Variants in SPATA13 observed in about 807,000 individuals in gnomAD.
SPATA13 encodes the protein spermatogenesis-associated protein 13.
A neutral mutation model predicts 104.0 loss-of-function variants in SPATA13; 50 were observed. The observed-to-expected ratio is 0.48, with a 90% CI of 0.38 to 0.61. The LOEUF is 0.61. Among genes scored for constraint, SPATA13 ranks in the 20% least tolerant of loss-of-function variants. The pLI is 0.00. For missense variants in SPATA13, 1,524 were observed against 1,690.6 expected (o/e 0.90, Z 1.73); for synonymous variants, 606 against 667.5 (o/e 0.91, Z 1.42).
intron 1 of SPATA13, among the ~76,000 whole-genome samples, chr13:24,209,861 G>A (rs1269751022): frequency 6.6e-6 from 1 of 152,154 alleles, no homozygotes; most frequent in African/African-American, 2.4e-5. Flanking sequence ...CACAGGGGCT[G>A]TACTAATTCA....
At chr13:24,180,183 G>A (rs947355903) in intron 1 of SPATA13, among the ~76,000 whole-genome samples, 5 of 152,136 alleles carry the variant, frequency 3.3e-5, no homozygotes, top group African/African-American at 1.2e-4. Flanking sequence ...TGGTGTAAGG[G>A]AAGATCTCAT....
At chr13:24,144,713 C>T (rs556702653) in intron 3 of SPATA13, among the ~76,000 whole-genome samples, 2 of 152,206 alleles carry the variant, frequency 1.3e-5, no homozygotes, top group South Asian at 4.2e-4. Context: ...AGACTTTGGC[C>T]AGCGTGGCGT....
rs1451195571 is a variant in SPATA13 at position 24,030,066 on chromosome 13, G to GCGCA, written c.-112+12366_-112+12367insGCAC. On this transcript the variant is annotated intron_variant, in intron 3 of 14. Transcript: ENST00000424834. ...TCTCCTAACACACACACACACACAC[G>GCGCA]CACACACACACACACACACACACAT... Among the ~76,000 whole-genome samples the GCGCA allele has an allele frequency of 1.5e-4, 22 of 145,424 alleles. No homozygotes were observed. In the South Asian group the frequency reaches 2.4e-3, roughly 16 times the overall value.
intron 3 of SPATA13, among the ~76,000 whole-genome samples, chr13:24,087,091 T>G (rs1379787676): frequency 6.6e-6 from 1 of 151,978 alleles, no homozygotes; most frequent in Non-Finnish European, 1.5e-5. Context: ...ACAGTGGGCT[T>G]GGACCTCACT....
At chr13:24,107,257 A>AAAAT (rs1880484427) in intron 3 of SPATA13, among the ~76,000 whole-genome samples, 1 of 149,370 alleles carries the variant, frequency 6.7e-6, no homozygotes, top group Admixed American at 6.7e-5. Flanking sequence ...AAAAAAAAAA[A>AAAAT]AAAAAAAGCT....
intron 4 of SPATA13, among the ~76,000 whole-genome samples, chr13:24,262,304 T>C (rs1166694366): frequency 7.1e-6 from 1 of 140,828 alleles, no homozygotes; most frequent in Non-Finnish European, 1.6e-5. Flanking sequence ...AACAAAGTTT[T>C]TTTTCTTTTT....
At chr13:24,242,134 C>T (rs1433655295) in intron 2 of SPATA13, among the ~76,000 whole-genome samples, 3 of 152,030 alleles carry the variant, frequency 2.0e-5, no homozygotes, top group Non-Finnish European at 4.4e-5. Flanking sequence ...TATGAATTTA[C>T]TCCATGAAAC....
intron 7 of SPATA13, 39 bp from the exon 8 acceptor site, chr13:24,288,960 G>A: frequency 1.3e-6 from 2 of 1,542,920 alleles, no homozygotes; most frequent in Non-Finnish European, 1.7e-6. Flanking sequence ...TAATTTATTT[G>A]GATTTCCAAA....
At chr13:24,200,545 T>C (rs1442795305) in intron 1 of SPATA13, among the ~76,000 whole-genome samples, 1 of 152,066 alleles carries the variant, frequency 6.6e-6, no homozygotes, top group Admixed American at 6.6e-5. Flanking sequence ...TCATTCTGAC[T>C]TCGGGGATTA....
At chr13:24,287,729 A>G (rs1176316479) in intron 7 of SPATA13, among the ~76,000 whole-genome samples, 2 of 152,160 alleles carry the variant, frequency 1.3e-5, no homozygotes, top group African/African-American at 2.4e-5. Flanking sequence ...CTTGGCAACA[A>G]ATTTTATTTT....
rs1263309490 is a variant in SPATA13, at chr13:24,304,522, G to C, written c.*1749G>C. On this transcript the variant is annotated 3_prime_UTR_variant, in exon 13 of 13. Transcript: ENST00000382108. ...CAAGTCTGTGATGTCAGAGACAAAG[G>C]TGTATTCTTCAGTCTGCAGGTGTGT... 3 of 152,112 alleles carry C rather than the reference G, an allele frequency of 2.0e-5. No homozygotes were observed. Among genetic ancestry groups the C allele is most frequent in the African/African-American group, 7.2e-5 (3 of 41,412 alleles). The allele number at this position is 152,112 out of a possible 1,614,324, so 9.4% of individuals were successfully genotyped here. A position where few individuals can be genotyped will look rare whatever the true frequency, so the allele number is the denominator to read the frequency against.
rs1184038197 is a variant in SPATA13 at position 24,268,172 on chromosome 13, C to T, written c.2165-15963C>T. Reference sequence around the variant, plus strand: ...AAGATGGCACAGCTGTCAGTGGGAACTTTTTAGAGCCTGTGATTACTGATG... The same window carrying T: ...AAGATGGCACAGCTGTCAGTGGGAATTTTTTAGAGCCTGTGATTACTGATG... On this transcript the variant is annotated intron_variant, in intron 4 of 12. Transcript: ENST00000382108. Among the ~76,000 whole-genome samples, 7 of 152,224 alleles carry T rather than the reference C, an allele frequency of 4.6e-5. No individual in the cohort carries two copies. In the South Asian group the frequency reaches 1.2e-3, roughly 27 times the overall value.
At chr13:24,141,934 G>T (rs545014750) in intron 3 of SPATA13, among the ~76,000 whole-genome samples, 1 of 152,214 alleles carries the variant, frequency 6.6e-6, no homozygotes, top group Non-Finnish European at 1.5e-5. Flanking sequence ...ATGGAGTCAG[G>T]TCTTCATGTT....
chr13:24,070,807 C>T (rs773052209), intron 3 of SPATA13, among the ~76,000 whole-genome samples: 5 of 151,974 alleles, frequency 3.3e-5, no homozygotes, highest in African/African-American at 7.3e-5. Flanking sequence ...CAAACTGGCA[C>T]GTCTGGTTTT....
At chr13:24,149,351 A>C (rs7332807) in intron 3 of SPATA13, among the ~76,000 whole-genome samples, 67,975 of 152,132 alleles carry the variant, frequency 0.45, 16,859 homozygotes, top group Admixed American at 0.58. Flanking sequence ...TTATGTTCTC[A>C]TATGTGAGAT....
At chr13:24,043,650 A>T (rs563105979) in intron 3 of SPATA13, among the ~76,000 whole-genome samples, 2 of 148,248 alleles carry the variant, frequency 1.3e-5, no homozygotes, top group Non-Finnish European at 3.0e-5. Context: ...CCCAAATTGT[A>T]TGTCTCTCGT....
chr13:24,067,774 G>T (rs894378974), intron 3 of SPATA13, among the ~76,000 whole-genome samples: 3 of 152,024 alleles, frequency 2.0e-5, no homozygotes, highest in Non-Finnish European at 4.4e-5. Flanking sequence ...ACATGATCTC[G>T]GGTCACTGCA....
At chr13:24,008,671 G>A (rs970827905) in intron 2 of SPATA13, among the ~76,000 whole-genome samples, 6 of 152,162 alleles carry the variant, frequency 3.9e-5, no homozygotes, top group African/African-American at 1.4e-4. Context: ...GAGGCAGCAG[G>A]CCTGGGCCAG....
chr13:24,282,286 C>A (rs1415141029), intron 4 of SPATA13, among the ~76,000 whole-genome samples: 1 of 152,130 alleles, frequency 6.6e-6, no homozygotes, highest in Non-Finnish European at 1.5e-5. Flanking sequence ...AAAACATCTC[C>A]CCAAGAAAGA....
Sources: gnomAD v4.1 joint callset for allele counts (sites outside exome capture counted in the v4.1 genomes callset) on GRCh38, gnomAD v4.1.1 for gene constraint, MANE v1.5 for transcripts, NCBI Gene and HGNC (gene_info 2026-07-23, HGNC 2026-07-21) for gene names.